PDE4D: variants seen among roughly 807,000 people sequenced by gnomAD.
The protein encoded by PDE4D is 3',5'-cyclic-AMP phosphodiesterase 4D.
In PDE4D, 24 loss-of-function variants were observed where a neutral mutation model predicts 87.4. The observed-to-expected ratio is 0.27, with a 90% CI of 0.20 to 0.39. The LOEUF (loss-of-function observed/expected upper bound fraction) is 0.39. Among genes scored for constraint, PDE4D ranks in the 10% least tolerant of loss-of-function variants. The pLI is 1.00. For synonymous variants in PDE4D, 384 were observed against 383.2 expected (o/e 1.00, Z -0.02); for missense variants, 714 against 1,041.0 (o/e 0.69, Z 4.32).
chr5:60,347,071 C>T (rs1283236191), intron 1 of PDE4D, among the ~76,000 whole-genome samples: 1 of 151,996 alleles, frequency 6.6e-6, no homozygotes, highest in Non-Finnish European at 1.5e-5. Context: ...TTAAGGCAGA[C>T]AATTAAACAG....
chr5:59,742,032 TATCATCATC>T (rs747642922), intron 1 of PDE4D, among the ~76,000 whole-genome samples: 1 of 151,844 alleles, frequency 6.6e-6, no homozygotes, highest in African/African-American at 2.4e-5. Flanking sequence ...TGATATCAAT[TATCATCATC>T]ATCATCATCA....
rs190035451 is a variant in PDE4D, at chr5:59,269,910, C to A, written c.456-53942G>T. ...AATAAACGTGTTTAAAATCCATTGA[C>A]CTGCCTTGCCCCTTTTATTTTACAG... On this transcript the variant is annotated intron_variant, in intron 1 of 14. Coordinates refer to ENST00000340635, the MANE Select transcript of PDE4D (RefSeq NM_001104631.2). Among the ~76,000 whole-genome samples, 100 of 152,058 alleles carry A rather than the reference C, an allele frequency of 6.6e-4. 1 individual carries two copies. Among genetic ancestry groups the A allele is most frequent in the African/African-American group, 2.3e-3 (96 of 41,494 alleles).
intron 1 of PDE4D, among the ~76,000 whole-genome samples, chr5:60,391,760 C>T (rs904403679): frequency 2.6e-5 from 4 of 152,150 alleles, no homozygotes; most frequent in Non-Finnish European, 2.9e-5. Context: ...TGTCCTATAA[C>T]GTATTCAAAG....
Position 59,395,248 on chromosome 5 carries a change from G to C in PDE4D, c.456-179280C>G, listed in dbSNP as rs139730780. 9.2e-5 allele frequency among the ~76,000 whole-genome samples: 14 copies of C among 152,302 alleles called. No individual in the cohort carries two copies. The East Asian group carries it at 1.5e-3, about 17-fold the overall frequency. ...CCCACCACAGCTCAAGGAGGCCTGCGTGCTTCTGTAGGCTCCAACTCTGGG... is the reference window on the plus strand; with the variant it reads ...CCCACCACAGCTCAAGGAGGCCTGCCTGCTTCTGTAGGCTCCAACTCTGGG... On this transcript the variant is annotated intron_variant, in intron 1 of 14. Transcript: ENST00000340635.
At chr5:59,587,485 TCC>T in intron 1 of PDE4D, 1 of 985,406 alleles carries the variant, frequency 1.0e-6, no homozygotes, top group East Asian at 1.1e-4. Flanking sequence ...GGCAACAGGC[TCC>T]TGCTGGAGTC....
At chr5:58,985,782 C>T (rs1357674500) in intron 11 of PDE4D, among the ~76,000 whole-genome samples, 1 of 152,192 alleles carries the variant, frequency 6.6e-6, no homozygotes, top group East Asian at 1.9e-4. Flanking sequence ...AAAAGGTTTA[C>T]TGCAAACTAA....
intron 1 of PDE4D, among the ~76,000 whole-genome samples, chr5:60,513,401 G>A (rs1474810977): frequency 2.0e-5 from 3 of 152,026 alleles, no homozygotes; most frequent in Non-Finnish European, 4.4e-5. Flanking sequence ...AATTTTAAAA[G>A]TATATGCTCC....
intron 3 of PDE4D, among the ~76,000 whole-genome samples, chr5:59,939,951 T>G (rs141543108): frequency 6.6e-6 from 1 of 152,308 alleles, no homozygotes; most frequent in East Asian, 1.9e-4. Flanking sequence ...TTCTTTGGTA[T>G]GATCAGAGAA....
intron 5 of PDE4D, among the ~76,000 whole-genome samples, chr5:59,047,449 T>G (rs1484514400): frequency 6.6e-6 from 1 of 152,184 alleles, no homozygotes; most frequent in Admixed American, 6.5e-5. Context: ...AGACAATATT[T>G]TCTTCTAAAG....
intron 1 of PDE4D, among the ~76,000 whole-genome samples, chr5:59,744,866 T>C (rs1370149447): frequency 6.6e-6 from 1 of 152,220 alleles, no homozygotes; most frequent in Admixed American, 6.5e-5. Context: ...TGGATAGCTA[T>C]GGTAACAAGC....
At chr5:59,048,460 T>C (rs1761051099) in intron 5 of PDE4D, among the ~76,000 whole-genome samples, 1 of 152,224 alleles carries the variant, frequency 6.6e-6, no homozygotes, top group Non-Finnish European at 1.5e-5. Context: ...TACCCAGCTC[T>C]AACATTCATT....
At chr5:60,413,561 C>A (rs1296710034) in intron 1 of PDE4D, among the ~76,000 whole-genome samples, 1 of 152,148 alleles carries the variant, frequency 6.6e-6, no homozygotes, top group Non-Finnish European at 1.5e-5. Flanking sequence ...GCATAAGGTA[C>A]TTTTAATATT....
At chr5:59,649,043 A>G (rs1036739717) in intron 1 of PDE4D, among the ~76,000 whole-genome samples, 5 of 152,338 alleles carry the variant, frequency 3.3e-5, no homozygotes, top group Non-Finnish European at 4.4e-5. Context: ...CAGTACTTAA[A>G]TTCTACGATT....
intron 1 of PDE4D, among the ~76,000 whole-genome samples, chr5:59,784,966 C>T (rs1765017807): frequency 6.6e-6 from 1 of 152,164 alleles, no homozygotes; most frequent in South Asian, 2.1e-4. Context: ...TTGCCTTCCA[C>T]CATGATTGTG....
chr5:59,558,047 A>G (rs1819272561), intron 1 of PDE4D, among the ~76,000 whole-genome samples: 1 of 152,208 alleles, frequency 6.6e-6, no homozygotes, highest in African/African-American at 2.4e-5. Context: ...TAACAATACT[A>G]CTAAAAAAGG....
intron 1 of PDE4D, among the ~76,000 whole-genome samples, chr5:59,471,167 C>T (rs1376673313): frequency 6.6e-6 from 1 of 152,152 alleles, no homozygotes; most frequent in Non-Finnish European, 1.5e-5. Context: ...ACTGCTTGAG[C>T]CCAGGAAGTC....
intron 1 of PDE4D, among the ~76,000 whole-genome samples, chr5:59,654,576 A>C (rs1191897668): frequency 2.0e-5 from 3 of 152,214 alleles, no homozygotes; most frequent in Non-Finnish European, 4.4e-5. Context: ...ATTTAGTTTT[A>C]ACACCTTTAT....
At chr5:60,261,090 A>G (rs1749600980) in intron 1 of PDE4D, among the ~76,000 whole-genome samples, 1 of 152,160 alleles carries the variant, frequency 6.6e-6, no homozygotes, top group South Asian at 2.1e-4. Flanking sequence ...GACTGGAAAC[A>G]TTATTATATT....
chr5:59,923,836 G>A (rs758066799), intron 3 of PDE4D, among the ~76,000 whole-genome samples: 1 of 152,138 alleles, frequency 6.6e-6, no homozygotes, highest in Admixed American at 6.5e-5. Flanking sequence ...TGATGAACAC[G>A]CACAAGCATC....
Sources: gnomAD v4.1 joint callset for allele counts (sites outside exome capture counted in the v4.1 genomes callset) on GRCh38, gnomAD v4.1.1 for gene constraint, MANE v1.5 for transcripts, NCBI Gene and HGNC (gene_info 2026-07-23, HGNC 2026-07-21) for gene names.